The following SLC38A6 variants were observed in gnomAD, a reference collection of about 807,000 sequenced individuals.
SLC38A6 encodes the protein solute carrier family 38 member 6, also known as N system amino acid transporter NAT-1.
A neutral mutation model predicts 65.0 loss-of-function variants in SLC38A6; 73 were observed. The ratio of observed to expected loss-of-function variants is 1.12; its 90% CI spans 0.93 to 1.37. The LOEUF (loss-of-function observed/expected upper bound fraction) is 1.37, where lower values mean the gene tolerates loss of function less well. SLC38A6 is among the 40% of genes most tolerant of loss of function. The pLI is 0.00. For missense variants in SLC38A6, 561 were observed against 531.1 expected (o/e 1.06, Z -0.55); for synonymous variants, 183 against 178.8 (o/e 1.02, Z -0.19).
chr14:61,050,892 A>G (rs1433601014), intron 13 of SLC38A6, among the ~76,000 whole-genome samples: 1 of 152,168 alleles, frequency 6.6e-6, no homozygotes, highest in Non-Finnish European at 1.5e-5. Context: ...TTTCCAATTT[A>G]GAAACTATAG....
At chr14:61,045,664 A>G (rs2042095928) in intron 11 of SLC38A6, among the ~76,000 whole-genome samples, 1 of 152,058 alleles carries the variant, frequency 6.6e-6, no homozygotes. Flanking sequence ...CAGGCGGGTC[A>G]CCTGAGGTCA....
intron 15 of SLC38A6, among the ~76,000 whole-genome samples, chr14:61,069,620 A>G (rs1446293465): frequency 6.6e-6 from 1 of 152,126 alleles, no homozygotes; most frequent in Non-Finnish European, 1.5e-5. Flanking sequence ...CACCCAGCTC[A>G]AATCCCACTT....
intron 3 of SLC38A6, among the ~76,000 whole-genome samples, chr14:61,014,561 T>C (rs1341790613): frequency 6.6e-6 from 1 of 152,202 alleles, no homozygotes; most frequent in East Asian, 1.9e-4. Flanking sequence ...GGTGGGGTTT[T>C]GGTGTGGATG....
intron 3 of SLC38A6, among the ~76,000 whole-genome samples, chr14:60,998,827 G>A (rs958150511): frequency 1.3e-5 from 2 of 152,152 alleles, no homozygotes; most frequent in Non-Finnish European, 2.9e-5. Flanking sequence ...TGCAGCAGCC[G>A]AACAGAACAG....
At chr14:61,080,365 G>A (rs914240349) in intron 16 of SLC38A6, among the ~76,000 whole-genome samples, 3 of 152,132 alleles carry the variant, frequency 2.0e-5, no homozygotes, top group African/African-American at 4.8e-5. Flanking sequence ...AATGGACAAA[G>A]GCACACTTTT....
intron 1 of SLC38A6, chr14:60,981,827 A>G (rs146188010): frequency 8.5e-6 from 8 of 940,550 alleles, no homozygotes; most frequent in East Asian, 6.1e-5. Flanking sequence ...TCTTAGCGGT[A>G]GAATGGAAGT....
intron 3 of SLC38A6, among the ~76,000 whole-genome samples, chr14:61,015,176 C>T (rs141837335): frequency 1.9e-3 from 293 of 152,290 alleles, no homozygotes; most frequent in African/African-American, 6.7e-3. Flanking sequence ...TAGGACCCTC[C>T]GAGCCAGGTG....
intron 3 of SLC38A6, among the ~76,000 whole-genome samples, chr14:61,001,118 A>G (rs543672303): frequency 6.6e-6 from 1 of 152,236 alleles, no homozygotes; most frequent in African/African-American, 2.4e-5. Context: ...TTTTTCTCCC[A>G]TGGGGCATTT....
At chr14:61,053,592 G>T (rs1165820763), downstream of SLC38A6, among the ~76,000 whole-genome samples, 1 of 152,110 alleles carries the variant, frequency 6.6e-6, no homozygotes, top group Non-Finnish European at 1.5e-5. Context: ...ACTGATGGGA[G>T]ATGATAATCT....
intron 10 of SLC38A6, among the ~76,000 whole-genome samples, chr14:61,044,146 C>T (rs530038798): frequency 5.3e-5 from 8 of 152,092 alleles, no homozygotes; most frequent in Non-Finnish European, 8.8e-5. Flanking sequence ...CAAAGTCTTC[C>T]CTGTTGCTGC....
intron 12 of SLC38A6, among the ~76,000 whole-genome samples, chr14:61,047,780 A>G (rs1196487286): frequency 6.6e-6 from 1 of 152,058 alleles, no homozygotes; most frequent in Non-Finnish European, 1.5e-5. Flanking sequence ...ATCAAGTAAA[A>G]CCATTATGTT....
At chr14:61,019,713 C>T in intron 5 of SLC38A6, 133 bp downstream of exon 5, 1 of 795,252 alleles carries the variant, frequency 1.3e-6, no homozygotes. Context: ...GTGTTGGCCT[C>T]TTTACTCTTT....
chr14:61,045,929 C>A (rs1208561576), intron 11 of SLC38A6, 138 bp from the exon 12 acceptor site: 1 of 542,632 alleles, frequency 1.8e-6, no homozygotes, highest in Non-Finnish European at 3.3e-6. Context: ...GTACTAATTT[C>A]GAATGAGGAC....
At position 61,052,149 on chromosome 14, in the gene SLC38A6, G is replaced by C. The variant is rs1489657450; in HGVS notation, c.1290+14G>C. ...AAAAAGCTTGGGGTAGGTTGTTTTTGTTTCTTTCTTTCAAGACTTCTATTT... is the reference window on the plus strand; with the variant it reads ...AAAAAGCTTGGGGTAGGTTGTTTTTCTTTCTTTCTTTCAAGACTTCTATTT... On this transcript the variant is annotated intron_variant, in intron 15 of 15. Transcript: ENST00000267488. 26 of 1,530,346 alleles carry C rather than the reference G, an allele frequency of 1.7e-5. No individual in the cohort carries two copies. In the East Asian group the frequency reaches 5.0e-4, roughly 29 times the overall value. The allele number at this position is 1,530,346 out of a possible 1,614,324, so 94.8% of individuals were successfully genotyped here.
At position 61,061,574 on chromosome 14, in the gene SLC38A6, A is replaced by G. The variant is rs7160455; in HGVS notation, c.1290+9439A>G. Among the ~76,000 whole-genome samples, 323 of 152,264 alleles carry G rather than the reference A, an allele frequency of 2.1e-3. 1 individual carries two copies. The highest frequency in any genetic ancestry group is 7.5e-3 in the African/African-American group (311 of 41,548). ...TGTCTCCATAGTTTTGTCTTTTCCA[A>G]AATGTCATATAGTTGCAATCCTATA... On this transcript the variant is annotated intron_variant, in intron 15 of 16. Coordinates refer to the SLC38A6 transcript ENST00000354886.
intron 15 of SLC38A6, among the ~76,000 whole-genome samples, chr14:61,076,740 G>A (rs572739665): frequency 3.9e-5 from 6 of 152,310 alleles, no homozygotes; most frequent in African/African-American, 7.2e-5. Context: ...TATTTTGGCC[G>A]GCCTTGTGTC....
intron 15 of SLC38A6, among the ~76,000 whole-genome samples, chr14:61,065,434 A>G (rs2042989551): frequency 6.6e-6 from 1 of 152,210 alleles, no homozygotes; most frequent in African/African-American, 2.4e-5. Flanking sequence ...GTTATGAGCT[A>G]AGCATTGGTC....
chr14:61,043,054 T>C (rs1311272804), intron 8 of SLC38A6, 93 bp from the exon 9 acceptor site: 3 of 775,800 alleles, frequency 3.9e-6, no homozygotes, highest in Non-Finnish European at 6.2e-6. Flanking sequence ...ATTAGCATCT[T>C]ATTTAATTGA....
intron 6 of SLC38A6, among the ~76,000 whole-genome samples, chr14:61,031,291 CA>C (rs1013627998): frequency 5.3e-5 from 8 of 152,098 alleles, no homozygotes; most frequent in Admixed American, 6.6e-5. Flanking sequence ...AACCACAGTA[CA>C]AAACCTGTCA....
Sources: allele counts gnomAD v4.1 joint callset (sites outside exome capture counted in the v4.1 genomes callset), GRCh38; gene constraint gnomAD v4.1.1; transcripts MANE v1.5; gene names NCBI Gene and HGNC (gene_info 2026-07-23, HGNC 2026-07-21).